ENTREP2: variants seen among roughly 807,000 people sequenced by gnomAD.
The protein encoded by ENTREP2 is protein ENTREP2.
the ENTREP2 span, among the ~76,000 whole-genome samples, chr15:29,645,191 T>C: frequency 6.6e-6 from 1 of 152,122 alleles, no homozygotes; most frequent in South Asian, 2.1e-4. Context: ...GGCCCTCCAA[T>C]CTGCAGAGCT....
the ENTREP2 span, among the ~76,000 whole-genome samples, chr15:29,295,481 A>G: frequency 6.6e-6 from 1 of 152,228 alleles, no homozygotes; most frequent in East Asian, 1.9e-4. Context: ...AGGGGGATAC[A>G]TCCTAAGACC....
chr15:29,136,622 T>G, the ENTREP2 span: 7 of 1,086,756 alleles, frequency 6.4e-6, no homozygotes, highest in Non-Finnish European at 8.9e-6. Flanking sequence ...CTTCCCATCA[T>G]TGTGAAATCA....
the ENTREP2 span, among the ~76,000 whole-genome samples, chr15:29,292,989 T>C: frequency 1.3e-5 from 2 of 152,368 alleles, no homozygotes; most frequent in African/African-American, 2.4e-5. Context: ...CTGCATTCTC[T>C]ACTACAGCTG....
At chr15:29,451,303 C>G in the ENTREP2 span, among the ~76,000 whole-genome samples, 25 of 152,158 alleles carry the variant, frequency 1.6e-4, no homozygotes, top group Admixed American at 6.5e-5. Context: ...CCTCGCCTCT[C>G]GCCTGTTAGG....
At chr15:29,529,402 T>G in the ENTREP2 span, among the ~76,000 whole-genome samples, 2 of 151,850 alleles carry the variant, frequency 1.3e-5, no homozygotes, top group African/African-American at 4.8e-5. Flanking sequence ...TGGTTAGGAC[T>G]GGCTAGTTTG....
At chr15:29,416,384 C>T in the ENTREP2 span, among the ~76,000 whole-genome samples, 29 of 152,148 alleles carry the variant, frequency 1.9e-4, no homozygotes, top group Admixed American at 1.5e-3. Flanking sequence ...CTGACAAAAA[C>T]GAGAAATGGG....
chr15:29,249,168 C>A, the ENTREP2 span, among the ~76,000 whole-genome samples: 5 of 152,242 alleles, frequency 3.3e-5, no homozygotes, highest in South Asian at 8.3e-4. Context: ...GTTAGCTGGG[C>A]GTGGTGGCCC....
the ENTREP2 span, among the ~76,000 whole-genome samples, chr15:29,487,915 A>G: frequency 6.6e-6 from 1 of 152,088 alleles, no homozygotes; most frequent in Non-Finnish European, 1.5e-5. Context: ...CTGGTCTCAA[A>G]CTCCTGACCT....
the ENTREP2 span, among the ~76,000 whole-genome samples, chr15:29,573,171 G>A: frequency 7.2e-5 from 11 of 152,202 alleles, no homozygotes; most frequent in African/African-American, 1.9e-4. Context: ...AGAAAGGTAC[G>A]GAAAGAGAGC....
chr15:29,577,617 G>T, the ENTREP2 span, among the ~76,000 whole-genome samples: 18 of 152,130 alleles, frequency 1.2e-4, no homozygotes, highest in African/African-American at 4.3e-4. Flanking sequence ...GCCTCCTGAA[G>T]TGCTGGGATT....
At chr15:29,579,583 G>A in the ENTREP2 span, among the ~76,000 whole-genome samples, 5 of 145,988 alleles carry the variant, frequency 3.4e-5, no homozygotes, top group South Asian at 2.2e-4. Flanking sequence ...GCAGTGGCGC[G>A]ATCTCAGCTC....
At chr15:29,444,184 A>C in the ENTREP2 span, among the ~76,000 whole-genome samples, 9,753 of 87,748 alleles carry the variant, frequency 0.11, 968 homozygotes, top group Non-Finnish European at 0.13. Context: ...GAAAGAAAGA[A>C]AGAAAGAAAG....
the ENTREP2 span, among the ~76,000 whole-genome samples, chr15:29,537,781 C>T: frequency 3.9e-5 from 6 of 152,106 alleles, no homozygotes; most frequent in Non-Finnish European, 8.8e-5. Flanking sequence ...CTCAGGAGGC[C>T]CCTACTGATG....
the ENTREP2 span, among the ~76,000 whole-genome samples, chr15:29,607,675 T>C: frequency 6.6e-6 from 1 of 152,170 alleles, no homozygotes; most frequent in Non-Finnish European, 1.5e-5. Flanking sequence ...GTTTTTAAAA[T>C]TACTTTGCAT....
the ENTREP2 span, among the ~76,000 whole-genome samples, chr15:29,366,886 AT>A: frequency 2.1e-4 from 32 of 152,300 alleles, 1 homozygote; most frequent in African/African-American, 7.0e-4. Context: ...AGTGATTCCT[AT>A]TTTAGGACAG....
At chr15:29,586,259 A>G in the ENTREP2 span, among the ~76,000 whole-genome samples, 2 of 152,218 alleles carry the variant, frequency 1.3e-5, no homozygotes, top group Non-Finnish European at 2.9e-5. Context: ...CAGAAGAGGC[A>G]AATCCACAGA....
At chr15:29,648,342 G>T in the ENTREP2 span, among the ~76,000 whole-genome samples, 1 of 152,154 alleles carries the variant, frequency 6.6e-6, no homozygotes, top group African/African-American at 2.4e-5. Flanking sequence ...TCCATGGGTT[G>T]CCCAGGCTGT....
chr15:29,127,493 C>A, the ENTREP2 span, among the ~76,000 whole-genome samples: 1 of 152,188 alleles, frequency 6.6e-6, no homozygotes, highest in African/African-American at 2.4e-5. Context: ...CCACTTCATC[C>A]TTCCTGTCCG....
At chr15:29,269,264 T>A in the ENTREP2 span, 1 of 1,614,148 alleles carries the variant, frequency 6.2e-7, no homozygotes, top group Admixed American at 1.7e-5. Flanking sequence ...GTGTTGCTCT[T>A]GGGTTCAAGT....
Sources: gnomAD v4.1 joint callset for allele counts (sites outside exome capture counted in the v4.1 genomes callset) on GRCh38, gnomAD v4.1.1 for gene constraint, MANE v1.5 for transcripts, NCBI Gene and HGNC (gene_info 2026-07-23, HGNC 2026-07-21) for gene names.